MAP3K21: variants seen among roughly 807,000 people sequenced by gnomAD.
MAP3K21 encodes mitogen-activated protein kinase kinase kinase MLK4.
Under a neutral mutation model 86.1 loss-of-function variants are expected in MAP3K21, and 63 were observed. The observed-to-expected ratio is 0.73, with a 90% CI of 0.60 to 0.90. The LOEUF (loss-of-function observed/expected upper bound fraction) is 0.90, where lower values mean the gene tolerates loss of function less well. Ranked by LOEUF, MAP3K21 falls within the 40% of genes least tolerant of loss-of-function variation. The pLI is 0.00. For synonymous variants in MAP3K21, 558 were observed against 564.8 expected, an observed-to-expected ratio of 0.99 and a Z score of 0.17; for missense variants, 1,220 against 1,367.7, an observed-to-expected ratio of 0.89 and a Z score of 1.70.
At position 233,382,720 on chromosome 1, in the gene MAP3K21, C is replaced by A. The variant is rs373150825; in HGVS notation, c.*9C>A. On this transcript the variant is annotated 3_prime_UTR_variant, in exon 10 of 10. Coordinates refer to ENST00000366624, the MANE Select transcript of MAP3K21 (RefSeq NM_032435.3). ...AAGAATTCCTGTCTTAAACTAAGTG[C>A]CTTACTGTTGTTTAAGCATTTTTTT... The A allele has an allele frequency of 1.9e-6, 3 of 1,604,838 alleles. No individual in the cohort carries two copies. The highest frequency in any genetic ancestry group is 2.6e-6 in the Non-Finnish European group (3 of 1,173,038).
At chr1:233,341,498 T>C (rs4649302) in intron 1 of MAP3K21, among the ~76,000 whole-genome samples, 122,792 of 152,094 alleles carry the variant, frequency 0.81, 49,741 homozygotes, top group East Asian at 0.99. Flanking sequence ...TCCGTGAGCC[T>C]GCAGTGTGGA....
chr1:233,375,028 G>A (rs1663763617), intron 6 of MAP3K21, among the ~76,000 whole-genome samples: 1 of 151,530 alleles, frequency 6.6e-6, no homozygotes, highest in Admixed American at 6.6e-5. Context: ...TGCAACTTCT[G>A]CCACCTGGGT....
intron 1 of MAP3K21, among the ~76,000 whole-genome samples, chr1:233,345,399 G>A (rs1663113932): frequency 6.6e-6 from 1 of 152,136 alleles, no homozygotes; most frequent in African/African-American, 2.4e-5. Flanking sequence ...ATACTATGCA[G>A]CCGTAAAAAA....
chr1:233,351,780 A>G (rs1338555342), intron 2 of MAP3K21, among the ~76,000 whole-genome samples: 1 of 152,238 alleles, frequency 6.6e-6, no homozygotes, highest in Non-Finnish European at 1.5e-5. Context: ...AAAAAAAGTT[A>G]AAGCTAATGA....
intron 1 of MAP3K21, among the ~76,000 whole-genome samples, chr1:233,344,370 T>C (rs1041949204): frequency 6.6e-6 from 1 of 152,136 alleles, no homozygotes; most frequent in Admixed American, 6.5e-5. Flanking sequence ...ATGGTACTGG[T>C]ACCAAAACAG....
chr1:233,373,645 G>C (rs1263946271), intron 6 of MAP3K21: 1 of 152,304 alleles, frequency 6.6e-6, no homozygotes, highest in Non-Finnish European at 1.5e-5. Context: ...TGTGACCCTG[G>C]GTGCTCCAAG....
chr1:233,328,377 G>T lies in MAP3K21; in HGVS notation c.349G>T (p.Val117Leu). 1 of 1,485,150 alleles carries T rather than the reference G, an allele frequency of 6.7e-7. No homozygotes were observed. The highest frequency in any genetic ancestry group is 8.9e-7 in the Non-Finnish European group (1 of 1,125,354). 92.0% of individuals were successfully genotyped at this position (1,485,150 alleles called of 1,614,324 possible). The change falls in exon 1 of 10, where the codon GTA becomes TTA. Residue 117 changes from valine to leucine, a missense_variant. This residue lies in a region of MAP3K21 where 369 missense variants were observed against 385.3 expected (regional missense o/e 0.96). Coordinates refer to ENST00000366624, the MANE Select transcript of MAP3K21 (RefSeq NM_032435.3). This position sits in a 1 kb window ranked among gnomAD's most constrained non-coding sequence, Gnocchi z 8.7. ...APPPSRPSSP[V>L]HVAFERLELK... Reference sequence around the variant, plus strand: ...GCCGCCCTCGCGGCCCAGCTCCCCGGTACACGTCGCCTTCGAGCGGCTGGA... The same window carrying T: ...GCCGCCCTCGCGGCCCAGCTCCCCGTTACACGTCGCCTTCGAGCGGCTGGA...
intron 3 of MAP3K21, 44 bp from the exon 4 acceptor site, chr1:233,354,792 A>ATAAT (rs1491372631): frequency 9.1e-6 from 13 of 1,436,110 alleles, no homozygotes; most frequent in Non-Finnish European, 1.2e-5. Flanking sequence ...GCAACTCTAA[A>ATAAT]CTGCGTTGAG....
Position 233,342,343 on chromosome 1 carries a change from G to A in MAP3K21, c.806-4099G>A, listed in dbSNP as rs533009924. Among the ~76,000 whole-genome samples the A allele has an allele frequency of 5.9e-5, 9 of 152,284 alleles. No individual in the cohort carries two copies. In the South Asian group the frequency reaches 8.3e-4, roughly 14 times the overall value. On this transcript the variant is annotated intron_variant, in intron 1 of 9. Coordinates refer to ENST00000366624, the MANE Select transcript of MAP3K21 (RefSeq NM_032435.3). ...GAGCTGGAGATTATATTCCTGCCTG[G>A]TAGACTAGTGTCACAATCAAATGAA...
At chr1:233,352,772 T>C (rs996546492) in intron 2 of MAP3K21, among the ~76,000 whole-genome samples, 1 of 152,212 alleles carries the variant, frequency 6.6e-6, no homozygotes, top group African/African-American at 2.4e-5. Context: ...TATATGCTTA[T>C]GTGTTTCAAT....
intron 1 of MAP3K21, among the ~76,000 whole-genome samples, chr1:233,334,963 C>CTTTTTTTTTTTTTTTTT (rs10640127): frequency 6.8e-6 from 1 of 146,620 alleles, no homozygotes; most frequent in Non-Finnish European, 1.5e-5. Flanking sequence ...TTCTTTCTTT[C>CTTTTTTTTTTTTTTTTT]TTTTTTTTTT....
In MAP3K21 at chr1:233,382,373, A is replaced by G; in HGVS notation, c.2773A>G (p.Ser925Gly). 5.0e-6 allele frequency: 8 copies of G among 1,614,068 alleles called. No homozygotes were observed. The highest frequency in any genetic ancestry group is 1.6e-4 in the Middle Eastern group (1 of 6,062). ...LPLCPSPAPH[S>G]HLPREVSPKK... is the part of the protein sequence containing the mutation. ...ACTCTGCCCCTCACCTGCTCCTCAC[A>G]GTCATCTGCCAAGGGAGGTCTCACC... The change falls in exon 10 of 10, where the codon AGT (serine) becomes GGT (glycine). Residue 925 changes from serine to glycine, a missense_variant. Transcript: ENST00000366624.
Position 233,355,001 on chromosome 1 carries a change from C to T in MAP3K21, c.1301C>T (p.Thr434Ile), listed in dbSNP as rs754806261. 1 of 1,610,192 alleles carries T rather than the reference C, an allele frequency of 6.2e-7. No homozygotes were observed. Among genetic ancestry groups the T allele is most frequent in the South Asian group, 1.1e-5 (1 of 90,666 alleles). Residue 434 changes from threonine to isoleucine, a missense_variant, in exon 4 of 10, where the codon ACA becomes ATA. Physicochemically the swap from Thr to Ile is moderately conservative, Grantham distance 89. This residue lies in a region of MAP3K21 where 126 missense variants were observed against 127.7 expected (regional missense o/e 0.99). Coordinates refer to ENST00000366624, the MANE Select transcript of MAP3K21 (RefSeq NM_032435.3). ...CAACAAATGTTTGATGAGTTGAGAA[C>T]AAAGGAAAAGGTGAGAGAAATTTTT... is the stretch of plus-strand genomic sequence containing the variant. ...EIQQMFDELR[T>I]KEKELRSREE...
chr1:233,335,814 C>T (rs533411110), intron 1 of MAP3K21, among the ~76,000 whole-genome samples: 19 of 152,236 alleles, frequency 1.2e-4, no homozygotes, highest in African/African-American at 4.3e-4. Flanking sequence ...TACATCTTAA[C>T]GTAGCATTTG....
intron 4 of MAP3K21, among the ~76,000 whole-genome samples, chr1:233,356,891 C>G (rs1053156871): frequency 1.3e-5 from 2 of 152,166 alleles, no homozygotes; most frequent in African/African-American, 4.8e-5. Context: ...TTTCTGGTTG[C>G]AAACACATCT....
chr1:233,361,233 C>A (rs1362314671), intron 4 of MAP3K21, among the ~76,000 whole-genome samples: 2 of 152,038 alleles, frequency 1.3e-5, no homozygotes, highest in African/African-American at 4.8e-5. Flanking sequence ...ATTTTTAATT[C>A]TTAGATTTTC....
At chr1:233,339,482 T>TCCTCCTTCTCCTCCTC (rs1294655507) in intron 1 of MAP3K21, among the ~76,000 whole-genome samples, 11 of 105,642 alleles carry the variant, frequency 1.0e-4, no homozygotes, top group East Asian at 3.2e-4. Flanking sequence ...TTCTTCTTCT[T>TCCTCCTTCTCCTCCTC]CTTCTTTTTT....
intron 4 of MAP3K21, among the ~76,000 whole-genome samples, chr1:233,357,643 C>A (rs1411647654): frequency 6.6e-6 from 1 of 152,152 alleles, no homozygotes; most frequent in Non-Finnish European, 1.5e-5. Context: ...AGCATCATGT[C>A]CTAAGGAGCC....
At chr1:233,347,997 T>C (rs1663182442) in intron 2 of MAP3K21, among the ~76,000 whole-genome samples, 1 of 152,220 alleles carries the variant, frequency 6.6e-6, no homozygotes, top group Admixed American at 6.5e-5. Flanking sequence ...TGAGATATGA[T>C]TCACATACCA....
Sources: allele counts gnomAD v4.1 joint callset (sites outside exome capture counted in the v4.1 genomes callset), GRCh38; gene constraint gnomAD v4.1.1; regional missense constraint gnomAD v4.1.1; non-coding constraint Gnocchi (gnomAD v3.1); transcripts MANE v1.5; gene names NCBI Gene and HGNC (gene_info 2026-07-23, HGNC 2026-07-21).